ITGB1BP1: variants seen among roughly 807,000 people sequenced by gnomAD.
The protein encoded by ITGB1BP1 is integrin subunit beta 1 binding protein 1.
ITGB1BP1 carries 20 observed loss-of-function variants against 28.0 expected under a neutral mutation model. The ratio of observed to expected loss-of-function variants is 0.71; its 90% CI spans 0.50 to 1.04. The LOEUF (loss-of-function observed/expected upper bound fraction) is 1.04. Ranked by LOEUF, ITGB1BP1 falls within the 50% of genes least tolerant of loss-of-function variation. The pLI is 0.00. For missense variants in ITGB1BP1, 228 were observed against 242.5 expected, an observed-to-expected ratio of 0.94 and a Z score of 0.40; for synonymous variants, 103 against 89.5, an observed-to-expected ratio of 1.15 and a Z score of -0.85.
At position 9,404,737 on chromosome 2, in the gene ITGB1BP1, GT is replaced by G. The variant is rs59423766; in HGVS notation, c.*2096del. The G allele has an allele frequency of 0.18, 25,578 of 143,614 alleles. 3,090 individuals are homozygous for G. The highest frequency in any genetic ancestry group is 0.36 in the African/African-American group (14,371 of 40,306). The allele number at this position is 143,614 out of a possible 1,614,324, so 8.9% of individuals were successfully genotyped here. On this transcript the variant is annotated 3_prime_UTR_variant, in exon 7 of 7. Transcript: ENST00000355346. Reference sequence around the variant, plus strand: ...TCTTTATTATGCAAGACTGTGTAGAGTTTTTTTTTTTTTTGGCATTGTACTT... The same window carrying G: ...TCTTTATTATGCAAGACTGTGTAGAGTTTTTTTTTTTTTGGCATTGTACTT...
rs56005407 is a variant in ITGB1BP1, at chr2:9,415,563, G to C, written c.73-1307C>G. The stretch of plus-strand genomic sequence containing the variant: ...CCACTGCACTCCAGCCTGGGCGACA[G>C]AGTGAGGCTCCGTCTCCAAAAATAA... On this transcript the variant is annotated intron_variant, in intron 2 of 6. Coordinates refer to ENST00000355346, the MANE Select transcript of ITGB1BP1 (RefSeq NM_004763.5). This position sits in a 1 kb window ranked among gnomAD's most constrained non-coding sequence, Gnocchi z 4.1. Among the ~76,000 whole-genome samples the C allele has an allele frequency of 0.19, 28,632 of 152,210 alleles. 2,895 individuals carry two copies. Among genetic ancestry groups the C allele is most frequent in the Middle Eastern group, 0.3 (88 of 294 alleles).
chr2:9,414,277 T>TA (rs778691862), intron 2 of ITGB1BP1, 21 bp from the exon 3 acceptor site: 2 of 1,597,252 alleles, frequency 1.3e-6, no homozygotes, highest in Non-Finnish European at 1.7e-6. Context: ...GAAAAACAAG[T>TA]AAAAAACCTC....
rs902868989 is a variant in ITGB1BP1, at chr2:9,407,526, T to C, written c.454A>G (p.Lys152Glu). ...VCYDDGLGAG[K>E]SLLALKTTDA... ...GTGGTCTTCAGAGCCAGTAAGCTTTTTCCCGCCCCCAGACCGTCATCGTAA... is the reference window on the plus strand; with the variant it reads ...GTGGTCTTCAGAGCCAGTAAGCTTTCTCCCGCCCCCAGACCGTCATCGTAA... Residue 152 changes from lysine (K) to glutamate (E), a missense_variant, in exon 6 of 7, where the codon AAA (lysine) becomes GAA (glutamate). By Grantham distance (56) the Lys-to-Glu change is moderately conservative (BLOSUM62 1). This residue lies in a region of ITGB1BP1 where 192 missense variants were observed against 181.6 expected (regional missense o/e 1.06). Coordinates refer to ENST00000355346, the MANE Select transcript of ITGB1BP1 (RefSeq NM_004763.5). 4 of 1,614,168 alleles carry C rather than the reference T, an allele frequency of 2.5e-6. No homozygotes were observed. The African/African-American group carries it at 5.3e-5, about 22-fold the overall frequency.
chr2:9,407,503 G>C lies in ITGB1BP1; in HGVS notation c.477C>G (p.Thr159=), dbSNP rs1383839749. ...TGTATTCCTCATTGCTTGCATCTGT[G>C]GTCTTCAGAGCCAGTAAGCTTTTTC... ...GAGKSLLALK[T]TDASNEEYSL... The change falls in exon 6 of 7, where the codon ACC becomes ACG. Residue 159 remains threonine (T), a synonymous_variant. Transcript: ENST00000355346. 2 of 1,614,078 alleles carry C rather than the reference G, an allele frequency of 1.2e-6. No homozygotes were observed. The highest frequency in any genetic ancestry group is 1.7e-6 in the Non-Finnish European group (2 of 1,180,002).
intron 4 of ITGB1BP1, among the ~76,000 whole-genome samples, chr2:9,410,941 A>C (rs1373256500): frequency 6.6e-6 from 1 of 152,178 alleles, no homozygotes; most frequent in Non-Finnish European, 1.5e-5. Context: ...ACACTCTCTG[A>C]AGTTAAGGAA....
chr2:9,423,036 A>C, intron 1 of ITGB1BP1: 1 of 995,578 alleles, frequency 1.0e-6, no homozygotes, highest in Non-Finnish European at 1.2e-6. Context: ...GGGGACAGAC[A>C]ACCCCGACCC....
At chr2:9,408,364 G>A in intron 4 of ITGB1BP1, 159 bp from the exon 5 acceptor site, 2 of 591,002 alleles carry the variant, frequency 3.4e-6, no homozygotes, top group Non-Finnish European at 3.0e-6. Flanking sequence ...AGAGGCAGAA[G>A]AAACATTTCC....
chr2:9,414,327 AT>A, intron 2 of ITGB1BP1, 71 bp from the exon 3 acceptor site: 1 of 1,088,790 alleles, frequency 9.2e-7, no homozygotes, highest in Non-Finnish European at 1.4e-6. Context: ...CCTCTAACCC[AT>A]TCACATCATT....
chr2:9,412,313 G>A lies in ITGB1BP1; in HGVS notation c.244C>T (p.Leu82Phe). The change falls in exon 4 of 7, where the codon CTT (leucine) becomes TTT (phenylalanine). Residue 82 changes from leucine (L) to phenylalanine (F), a missense_variant. By Grantham distance (22) the Leu-to-Phe change is conservative. Around this residue, in one of 2 missense-constraint regions of ITGB1BP1, gnomAD observed 192 missense variants for 181.6 expected, o/e 1.06. Coordinates refer to ENST00000355346, the MANE Select transcript of ITGB1BP1 (RefSeq NM_004763.5). ...EKLKLSEGKGLEGPLDLINYI... is the reference protein window; with the variant it reads ...EKLKLSEGKGFEGPLDLINYI... ...TTTATCAGGTCTAATGGCCCTTCAA[G>A]GCCTTTTCCCTCGGAGAGTTTCAGT... is the stretch of plus-strand genomic sequence containing the variant. 1 of 1,612,488 alleles carries A rather than the reference G, an allele frequency of 6.2e-7. No homozygotes were observed.
At chr2:9,419,373 G>C (rs1679520695) in intron 1 of ITGB1BP1, among the ~76,000 whole-genome samples, 1 of 152,200 alleles carries the variant, frequency 6.6e-6, no homozygotes, top group Non-Finnish European at 1.5e-5. Flanking sequence ...TTTCAGTCGA[G>C]ATACTAAGAT....
chr2:9,406,021 C>T lies in ITGB1BP1; in HGVS notation c.*813G>A, dbSNP rs916337485. 1 of 145,370 alleles carries T rather than the reference C, an allele frequency of 6.9e-6. No homozygotes were observed. The highest frequency in any genetic ancestry group is 6.9e-5 in the Admixed American group (1 of 14,474). The allele number at this position is 145,370 out of a possible 1,614,324, so 9.0% of individuals were successfully genotyped here. On this transcript the variant is annotated 3_prime_UTR_variant, in exon 7 of 7. Transcript: ENST00000355346. ...GCCCATGTCCTCAGTCTTCCTCAGG[C>T]CTTCAGTGTGTGTCACTGAGTGGAC...
At chr2:9,423,035 C>G in intron 1 of ITGB1BP1, 1 of 995,522 alleles carries the variant, frequency 1.0e-6, no homozygotes, top group Non-Finnish European at 1.2e-6. Flanking sequence ...AGGGGACAGA[C>G]AACCCCGACC....
At position 9,412,254 on chromosome 2, in the gene ITGB1BP1, ATT is replaced by A. The variant is rs34086297; in HGVS notation, c.288+13_288+14del. The A allele has an allele frequency of 4.5e-5, 63 of 1,392,736 alleles. No individual in the cohort carries two copies. The highest frequency in any genetic ancestry group is 2.5e-4 in the Admixed American group (13 of 51,278). The allele number at this position is 1,392,736 out of a possible 1,614,324, so 86.3% of individuals were successfully genotyped here. The stretch of plus-strand genomic sequence containing the variant: ...ACTCTCATAACCAGAGAGTTACGGA[ATT>A]TTTTTTTTTTACCTGGGCAACGTCT... On this transcript the variant is annotated intron_variant, in intron 4 of 6. Coordinates refer to ENST00000355346, the MANE Select transcript of ITGB1BP1 (RefSeq NM_004763.5).
At chr2:9,423,132 G>T in intron 1 of ITGB1BP1, 1 of 1,008,844 alleles carries the variant, frequency 9.9e-7, no homozygotes, top group Non-Finnish European at 1.2e-6. Context: ...CCTCCGGGGC[G>T]ACAGCGGCTC....
chr2:9,404,489 G>A lies in ITGB1BP1; in HGVS notation c.*2345C>T, dbSNP rs1251493408. ...TCTATTATAAAACCAAAACTCATTC[G>A]TTTAATGAACTTGACTGTCATACCT... On this transcript the variant is annotated 3_prime_UTR_variant, in exon 7 of 7. Coordinates refer to ENST00000355346, the MANE Select transcript of ITGB1BP1 (RefSeq NM_004763.5). The A allele has an allele frequency of 6.6e-6, 1 of 152,182 alleles. No individual in the cohort carries two copies. The highest frequency in any genetic ancestry group is 2.4e-5 in the African/African-American group (1 of 41,434). 9.4% of individuals were successfully genotyped at this position (152,182 alleles called of 1,614,324 possible).
chr2:9,423,050 G>A (rs1470997955), intron 1 of ITGB1BP1: 2 of 997,610 alleles, frequency 2.0e-6, no homozygotes, highest in African/African-American at 1.7e-5. Context: ...CCGACCCTGA[G>A]AGGCGGGAGG....
intron 2 of ITGB1BP1, 59 bp from the exon 3 acceptor site, chr2:9,414,315 G>T: frequency 7.8e-7 from 1 of 1,283,186 alleles, no homozygotes; most frequent in Non-Finnish European, 1.1e-6. Context: ...CTTCTCTAAA[G>T]TCCTCTAACC....
chr2:9,421,793 A>G (rs534363781), intron 1 of ITGB1BP1, among the ~76,000 whole-genome samples: 1 of 152,128 alleles, frequency 6.6e-6, no homozygotes, highest in Non-Finnish European at 1.5e-5. Context: ...CTCAAGCTGA[A>G]CCCATCATCC....
Position 9,405,191 on chromosome 2 carries a change from A to C in ITGB1BP1, c.*1643T>G, listed in dbSNP as rs1254305430. The C allele has an allele frequency of 6.6e-6, 1 of 152,270 alleles. No individual in the cohort carries two copies. The highest frequency in any genetic ancestry group is 1.9e-4 in the East Asian group (1 of 5,206). The allele number at this position is 152,270 out of a possible 1,614,324, so 9.4% of individuals were successfully genotyped here. ...AGTCTACAATTTGGTGCTATTGTGC[A>C]GTAACTAATAGTACTCTTACCAGAG... On this transcript the variant is annotated 3_prime_UTR_variant, in exon 7 of 7. Transcript: ENST00000355346.
Sources: gnomAD v4.1 joint callset for allele counts (sites outside exome capture counted in the v4.1 genomes callset) on GRCh38, gnomAD v4.1.1 for gene constraint, gnomAD v4.1.1 regional missense constraint, Gnocchi (gnomAD v3.1) non-coding constraint, MANE v1.5 for transcripts, NCBI Gene and HGNC (gene_info 2026-07-23, HGNC 2026-07-21) for gene names.